The following MAP1LC3A variants were observed in gnomAD, a reference collection of about 807,000 sequenced individuals.
The protein encoded by MAP1LC3A is microtubule associated protein 1 light chain 3 alpha.
MAP1LC3A carries 10 observed loss-of-function variants against 15.2 expected under a neutral mutation model. The observed-to-expected ratio is 0.66, with a 90% CI of 0.41 to 1.12. The LOEUF is 1.12. MAP1LC3A is among the 50% of genes most tolerant of loss of function. The pLI is 0.00. For missense variants in MAP1LC3A, 138 were observed against 167.3 expected, an observed-to-expected ratio of 0.82 and a Z score of 0.97; for synonymous variants, 63 against 64.3, an observed-to-expected ratio of 0.98 and a Z score of 0.10.
chr20:34,558,348 A>G, upstream of MAP1LC3A: 1 of 986,962 alleles, frequency 1.0e-6, no homozygotes. The surrounding 1 kb of genome is among the most constrained non-coding windows in gnomAD (Gnocchi z 4.3). Flanking sequence ...AAGCCCCGTG[A>G]AGGCGCCGGG....
chr20:34,550,599 C>T (rs180843301), intron 2 of MAP1LC3A, among the ~76,000 whole-genome samples: 17 of 152,210 alleles, frequency 1.1e-4, no homozygotes, highest in African/African-American at 4.1e-4. Context: ...ACTACACACC[C>T]GCCAAAATGG....
chr20:34,550,204 G>A (rs927282128), intron 2 of MAP1LC3A, among the ~76,000 whole-genome samples: 11 of 152,334 alleles, frequency 7.2e-5, no homozygotes, highest in South Asian at 4.1e-4. Flanking sequence ...GCCACAGAAC[G>A]GCAGGAATGA....
intron 2 of MAP1LC3A, among the ~76,000 whole-genome samples, chr20:34,551,430 G>A (rs1015729111): frequency 1.3e-5 from 2 of 151,444 alleles, no homozygotes; most frequent in African/African-American, 4.9e-5. Context: ...CAGGTAGACT[G>A]GTGAGGCCCA....
chr20:34,549,340 G>A (rs895883092), intron 1 of MAP1LC3A, among the ~76,000 whole-genome samples: 3 of 152,176 alleles, frequency 2.0e-5, no homozygotes, highest in Admixed American at 6.5e-5. Context: ...CTTTGAGTCT[G>A]TAAACGGGAA....
At chr20:34,554,016 T>C (rs1463438370), upstream of MAP1LC3A, among the ~76,000 whole-genome samples, 1 of 152,212 alleles carries the variant, frequency 6.6e-6, no homozygotes, top group East Asian at 1.9e-4. Flanking sequence ...CATCTTCAGT[T>C]TGGGTCAATT....
In MAP1LC3A at chr20:34,558,721, CGA is replaced by C. The variant is rs1982260011; in HGVS notation, c.-146_-145del. The stretch of plus-strand genomic sequence containing the variant: ...AATGTTGTGACCTGACGTCACCGGG[CGA>C]GTTACCTCCCGCAGCCGCAGCCGCC... On this transcript the variant is annotated 5_prime_UTR_variant, in exon 1 of 4. Transcript: ENST00000360668. The surrounding 1 kb of genome is among the most constrained non-coding windows in gnomAD (Gnocchi z 4.3). The C allele has an allele frequency of 7.7e-7, 1 of 1,293,308 alleles. No homozygotes were observed. Among genetic ancestry groups the C allele is most frequent in the East Asian group, 3.2e-5 (1 of 31,308 alleles). 80.1% of individuals were successfully genotyped at this position (1,293,308 alleles called of 1,614,324 possible).
upstream of MAP1LC3A, among the ~76,000 whole-genome samples, chr20:34,555,194 G>A (rs1044979300): frequency 3.3e-5 from 5 of 149,632 alleles, no homozygotes; most frequent in African/African-American, 7.4e-5. Context: ...CACGCAGGCT[G>A]GAGTGCAGTG....
intron 2 of MAP1LC3A, among the ~76,000 whole-genome samples, chr20:34,550,773 A>T (rs1452827143): frequency 2.0e-5 from 3 of 152,190 alleles, no homozygotes; most frequent in Non-Finnish European, 4.4e-5. Flanking sequence ...TATTCGTCCA[A>T]GTGAAACAAA....
intron 2 of MAP1LC3A, chr20:34,550,161 A>G (rs2146669940): frequency 1.3e-6 from 1 of 794,320 alleles, no homozygotes; most frequent in South Asian, 1.6e-5. Flanking sequence ...CCAGTTCTCC[A>G]CTTTTTCTCA....
At chr20:34,556,800 C>T (rs1158976101), upstream of MAP1LC3A, among the ~76,000 whole-genome samples, 1 of 152,172 alleles carries the variant, frequency 6.6e-6, no homozygotes, top group Non-Finnish European at 1.5e-5. Flanking sequence ...AGAGTTTTGC[C>T]ATGTTGGCCA....
chr20:34,558,832 C>T lies in MAP1LC3A; in HGVS notation c.-37C>T. 1 of 1,428,622 alleles carries T rather than the reference C, an allele frequency of 7.0e-7. No homozygotes were observed. The highest frequency in any genetic ancestry group is 9.1e-7 in the Non-Finnish European group (1 of 1,097,870). 88.5% of individuals were successfully genotyped at this position (1,428,622 alleles called of 1,614,324 possible). ...AAACCGCAGACACATCCCCGCGCCC[C>T]AGAGCCCCGGCCTGCGCGCCCAGCC... On this transcript the variant is annotated 5_prime_UTR_variant, in exon 1 of 4. Coordinates refer to ENST00000360668, the MANE Select transcript of MAP1LC3A (RefSeq NM_032514.4). The surrounding 1 kb of genome is among the most constrained non-coding windows in gnomAD (Gnocchi z 4.3).
At chr20:34,548,033 G>A (rs1402090038) in intron 1 of MAP1LC3A, among the ~76,000 whole-genome samples, 1 of 152,132 alleles carries the variant, frequency 6.6e-6, no homozygotes, top group Admixed American at 6.5e-5. Context: ...GAGCAGTGAC[G>A]GTGGAGACAG....
rs1055414731 is a variant in MAP1LC3A at position 34,558,721 on chromosome 20, C to A, written c.-148C>A. 20 of 1,293,198 alleles carry A rather than the reference C, an allele frequency of 1.5e-5. No homozygotes were observed. Among genetic ancestry groups the A allele is most frequent in the Non-Finnish European group, 1.6e-5 (16 of 1,023,686 alleles). The allele number at this position is 1,293,198 out of a possible 1,614,324, so 80.1% of individuals were successfully genotyped here. A position where few individuals can be genotyped will look rare whatever the true frequency, so the allele number is the denominator to read the frequency against. On this transcript the variant is annotated 5_prime_UTR_variant, in exon 1 of 4. Coordinates refer to ENST00000360668, the MANE Select transcript of MAP1LC3A (RefSeq NM_032514.4). The surrounding 1 kb of genome is among the most constrained non-coding windows in gnomAD (Gnocchi z 4.3). ...AATGTTGTGACCTGACGTCACCGGG[C>A]GAGTTACCTCCCGCAGCCGCAGCCG...
upstream of MAP1LC3A, chr20:34,558,207 T>C (rs1429746374): frequency 3.1e-6 from 3 of 977,400 alleles, no homozygotes; most frequent in African/African-American, 5.3e-5. The surrounding 1 kb of genome is among the most constrained non-coding windows in gnomAD (Gnocchi z 4.3). Flanking sequence ...CCTCATCCTC[T>C]GAGACCTGAA....
chr20:34,547,070 C>A (rs951747857), intron 1 of MAP1LC3A, among the ~76,000 whole-genome samples: 1 of 152,062 alleles, frequency 6.6e-6, no homozygotes, highest in Non-Finnish European at 1.5e-5. Context: ...AGCCAGGGAG[C>A]GGCCCAGATG....
At chr20:34,558,216 A>G (rs1982232028), upstream of MAP1LC3A, 1 of 978,944 alleles carries the variant, frequency 1.0e-6, no homozygotes. This position sits in a 1 kb window ranked among gnomAD's most constrained non-coding sequence, Gnocchi z 4.3. Context: ...CTGAGACCTG[A>G]ATTTCGATGG....
chr20:34,549,936 C>G (rs1208312226), exon 2 of MAP1LC3A: 1 of 1,596,850 alleles, frequency 6.3e-7, no homozygotes, highest in South Asian at 1.1e-5. Context: ...CTGACTGACC[C>G]TCCACCTCAG....
At chr20:34,551,887 C>A (rs6059909) in intron 2 of MAP1LC3A, among the ~76,000 whole-genome samples, 66,498 of 151,984 alleles carry the variant, frequency 0.44, 15,059 homozygotes, top group Non-Finnish European at 0.5. Context: ...AGAAAAAAAA[C>A]CAAATACTGA....
At chr20:34,553,532 GTTC>G (rs909429271) in intron 2 of MAP1LC3A, among the ~76,000 whole-genome samples, 1 of 152,200 alleles carries the variant, frequency 6.6e-6, no homozygotes, top group African/African-American at 2.4e-5. Flanking sequence ...GGCTGACCCA[GTTC>G]TTTGGCTGCT....
Sources: allele counts gnomAD v4.1 joint callset (sites outside exome capture counted in the v4.1 genomes callset), GRCh38; gene constraint gnomAD v4.1.1; non-coding constraint Gnocchi (gnomAD v3.1); transcripts MANE v1.5; gene names NCBI Gene and HGNC (gene_info 2026-07-23, HGNC 2026-07-21).